The following PDE1C variants were observed in gnomAD, a reference collection of about 807,000 sequenced individuals.
PDE1C encodes phosphodiesterase 1C, also known as dual specificity calcium/calmodulin-dependent 3',5'-cyclic nucleotide phosphodiesterase 1C.
Under a neutral mutation model 93.1 loss-of-function variants are expected in PDE1C, and 62 were observed. The observed-to-expected ratio is 0.67, with a 90% confidence interval of 0.54 to 0.82. The LOEUF is 0.82. Ranked by LOEUF, PDE1C falls within the 40% of genes least tolerant of loss-of-function variation. The probability of loss-of-function intolerance (pLI) is 0.00; values close to 1 mark genes in which losing one functional copy is unlikely to be tolerated. For missense variants in PDE1C, 742 were observed against 884.6 expected (o/e 0.84, Z 2.04); for synonymous variants, 325 against 310.1 (o/e 1.05, Z -0.50).
chr7:32,101,968 G>C (rs1288637935), intron 3 of PDE1C, among the ~76,000 whole-genome samples: 1 of 152,082 alleles, frequency 6.6e-6, no homozygotes, highest in Non-Finnish European at 1.5e-5. Flanking sequence ...GAAAGAGAGA[G>C]ATACCAGGCT....
chr7:31,620,110 C>G, the PDE1C span, among the ~76,000 whole-genome samples: 1 of 152,194 alleles, frequency 6.6e-6, no homozygotes, highest in Admixed American at 6.5e-5. Flanking sequence ...CCGGGAAGCT[C>G]CAACTGGGTG....
At chr7:32,184,927 C>G (rs557362287) in intron 2 of PDE1C, among the ~76,000 whole-genome samples, 2 of 152,010 alleles carry the variant, frequency 1.3e-5, no homozygotes, top group Non-Finnish European at 2.9e-5. Flanking sequence ...GCCTGACCAA[C>G]GTGGAGAAAC....
chr7:32,239,685 C>T (rs1393780774), intron 1 of PDE1C, among the ~76,000 whole-genome samples: 1 of 152,032 alleles, frequency 6.6e-6, no homozygotes, highest in African/African-American at 2.4e-5. Flanking sequence ...TTAAGTATAG[C>T]AATGTTCTTT....
the PDE1C span, among the ~76,000 whole-genome samples, chr7:31,645,214 G>C: frequency 1.3e-5 from 2 of 152,144 alleles, no homozygotes; most frequent in Non-Finnish European, 2.9e-5. Flanking sequence ...CTAAATCTAT[G>C]TAAGTGTAGA....
chr7:31,625,162 T>A, the PDE1C span, among the ~76,000 whole-genome samples: 3 of 152,138 alleles, frequency 2.0e-5, no homozygotes, highest in South Asian at 4.1e-4. Context: ...GGAACACTTT[T>A]ACATTGTTGG....
At chr7:32,114,744 C>T (rs931057524) in intron 3 of PDE1C, among the ~76,000 whole-genome samples, 8 of 152,092 alleles carry the variant, frequency 5.3e-5, no homozygotes, top group Admixed American at 3.9e-4. Context: ...CTAGAATCTA[C>T]AAGGAAGTTA....
chr7:31,783,172 G>A (rs999566369), intron 16 of PDE1C, among the ~76,000 whole-genome samples: 2 of 152,096 alleles, frequency 1.3e-5, no homozygotes, highest in Non-Finnish European at 2.9e-5. Context: ...AGCATCACAG[G>A]GCTGTAAAAC....
At chr7:31,811,881 C>G (rs1041909803) in intron 15 of PDE1C, among the ~76,000 whole-genome samples, 7 of 152,142 alleles carry the variant, frequency 4.6e-5, no homozygotes, top group African/African-American at 1.7e-4. Flanking sequence ...AAAACCCCTC[C>G]TTCACCAACA....
At chr7:31,954,252 C>T (rs1222647437) in intron 2 of PDE1C, among the ~76,000 whole-genome samples, 1 of 152,156 alleles carries the variant, frequency 6.6e-6, no homozygotes, top group African/African-American at 2.4e-5. Context: ...GACCAAGAAC[C>T]TTATCTCTCT....
upstream of PDE1C, chr7:32,071,457 GCT>G (rs754035781): frequency 3.2e-4 from 311 of 979,168 alleles, no homozygotes; most frequent in African/African-American, 1.2e-3. Context: ...TCTCGCTCGC[GCT>G]CTCTCTCCTC....
chr7:32,254,778 C>T (rs964544090), intron 1 of PDE1C, among the ~76,000 whole-genome samples: 1 of 151,996 alleles, frequency 6.6e-6, no homozygotes, highest in African/African-American at 2.4e-5. Context: ...ACCCCTGCTA[C>T]CAAGGAGTTA....
chr7:31,805,605 T>C (rs955655733), intron 16 of PDE1C, among the ~76,000 whole-genome samples: 1 of 145,068 alleles, frequency 6.9e-6, no homozygotes, highest in Non-Finnish European at 1.5e-5. Context: ...GTACTCTCAA[T>C]GGCTATGGGT....
the PDE1C span, chr7:31,707,168 A>C: frequency 6.3e-7 from 1 of 1,578,206 alleles, no homozygotes; most frequent in Non-Finnish European, 8.7e-7. Flanking sequence ...TTTTAATTAG[A>C]GGTACTTAAT....
intron 2 of PDE1C, among the ~76,000 whole-genome samples, chr7:31,942,686 C>T (rs1285546058): frequency 6.6e-6 from 1 of 152,090 alleles, no homozygotes; most frequent in Non-Finnish European, 1.5e-5. Flanking sequence ...TTTCTAGAGA[C>T]AGTAATAAGA....
chr7:31,774,546 C>T (rs1584017849), intron 17 of PDE1C, among the ~76,000 whole-genome samples: 1 of 152,068 alleles, frequency 6.6e-6, no homozygotes, highest in Non-Finnish European at 1.5e-5. Context: ...ATGGTAAATC[C>T]GTACTTACAG....
At chr7:32,089,526 C>T (rs957324275) in intron 3 of PDE1C, among the ~76,000 whole-genome samples, 12 of 152,088 alleles carry the variant, frequency 7.9e-5, no homozygotes, top group Admixed American at 3.9e-4. Flanking sequence ...AATGAGGAGA[C>T]AAAGCAGAGA....
chr7:31,779,461 T>C (rs1783238324), intron 16 of PDE1C, among the ~76,000 whole-genome samples: 1 of 152,214 alleles, frequency 6.6e-6, no homozygotes, highest in Admixed American at 6.5e-5. Flanking sequence ...AGGTAGCTTT[T>C]CATCCCCTTG....
At position 31,887,250 on chromosome 7, in the gene PDE1C, G is replaced by A. The variant is rs147186401; in HGVS notation, c.129-6390C>T. 3.2e-3 allele frequency among the ~76,000 whole-genome samples: 481 copies of A among 152,220 alleles called. 6 individuals are homozygous for A. Among genetic ancestry groups the A allele is most frequent in the Middle Eastern group, 0.014 (4 of 294 alleles). ...TTTCTGGGAAAGACATTGTTTTGGGGCATGCGGTTTCCTCATTGAGTGAAC... is the reference window on the plus strand; with the variant it reads ...TTTCTGGGAAAGACATTGTTTTGGGACATGCGGTTTCCTCATTGAGTGAAC... On this transcript the variant is annotated intron_variant, in intron 2 of 17. Transcript: ENST00000396191.
chr7:32,297,973 C>G (rs1812691280), intron 1 of PDE1C, among the ~76,000 whole-genome samples: 2 of 69,596 alleles, frequency 2.9e-5, no homozygotes, highest in Non-Finnish European at 6.0e-5. Context: ...CTCTCTCTCT[C>G]TCTCTCTCTC....
Sources: gnomAD v4.1 joint callset for allele counts (sites outside exome capture counted in the v4.1 genomes callset) on GRCh38, gnomAD v4.1.1 for gene constraint, MANE v1.5 for transcripts, NCBI Gene and HGNC (gene_info 2026-07-23, HGNC 2026-07-21) for gene names.